RBFOX1: variants seen among roughly 807,000 people sequenced by gnomAD.
RBFOX1 encodes RNA binding protein fox-1 homolog 1.
Under a neutral mutation model 57.7 loss-of-function variants are expected in RBFOX1, and 8 were observed. The ratio of observed to expected loss-of-function variants is 0.14; its 90% CI spans 0.08 to 0.25. The LOEUF (loss-of-function observed/expected upper bound fraction) is 0.25, where lower values mean the gene tolerates loss of function less well. RBFOX1 is among the 10% of genes least tolerant of loss of function. RBFOX1 has a pLI of 1.00. For missense variants in RBFOX1, 611 were observed against 548.5 expected (o/e 1.11, Z -1.14); for synonymous variants, 326 against 222.4 (o/e 1.47, Z -4.15).
chr16:6,751,171 G>A (rs770918255), intron 3 of RBFOX1, among the ~76,000 whole-genome samples: 20 of 152,072 alleles, frequency 1.3e-4, no homozygotes, highest in Non-Finnish European at 1.5e-4. Flanking sequence ...CATTTTATTC[G>A]AAATACAATG....
chr16:5,935,013 G>T, intron 4 of RBFOX1, among the ~76,000 whole-genome samples: 1 of 152,094 alleles, frequency 6.6e-6, no homozygotes, highest in East Asian at 1.9e-4. Context: ...AATATCGAAG[G>T]GTCAATCTTT....
chr16:5,849,614 A>G (rs944462888), intron 3 of RBFOX1, among the ~76,000 whole-genome samples: 2 of 152,102 alleles, frequency 1.3e-5, no homozygotes, highest in African/African-American at 2.4e-5. Context: ...CAGTGCTCAG[A>G]GTCAGGAAAT....
chr16:5,484,375 G>C (rs1013719870), intron 2 of RBFOX1, among the ~76,000 whole-genome samples: 2 of 152,212 alleles, frequency 1.3e-5, no homozygotes, highest in Non-Finnish European at 2.9e-5. Flanking sequence ...GCTTCTCTTA[G>C]TGAGAGCAAA....
At chr16:6,199,247 C>A (rs947016688) in intron 1 of RBFOX1, among the ~76,000 whole-genome samples, 3 of 152,238 alleles carry the variant, frequency 2.0e-5, no homozygotes, top group African/African-American at 7.2e-5. Context: ...AGTCAGAGAA[C>A]CAGCCATGTG....
chr16:5,648,746 C>A (rs1007413650), intron 3 of RBFOX1, among the ~76,000 whole-genome samples: 1 of 152,148 alleles, frequency 6.6e-6, no homozygotes, highest in African/African-American at 2.4e-5. Context: ...TGTCTACCTC[C>A]TCTTTTTATT....
At chr16:6,639,288 A>G (rs2098468002) in intron 2 of RBFOX1, among the ~76,000 whole-genome samples, 1 of 152,162 alleles carries the variant, frequency 6.6e-6, no homozygotes, top group Admixed American at 6.6e-5. Context: ...TCCTAAGAGG[A>G]AGTGAAATAT....
At chr16:5,711,166 A>G (rs1298985123) in intron 3 of RBFOX1, among the ~76,000 whole-genome samples, 1 of 152,192 alleles carries the variant, frequency 6.6e-6, no homozygotes, top group East Asian at 1.9e-4. Context: ...GATGTAGTAA[A>G]CACTTATATA....
intron 4 of RBFOX1, among the ~76,000 whole-genome samples, chr16:7,292,383 T>C (rs1320320560): frequency 1.4e-5 from 2 of 141,216 alleles, no homozygotes; most frequent in Non-Finnish European, 3.0e-5. Flanking sequence ...ATATATGATA[T>C]ACATGATATA....
In RBFOX1 at chr16:7,179,236, T is replaced by C. The variant is rs376283477; in HGVS notation, c.27+127138T>C. On this transcript the variant is annotated intron_variant, in intron 4 of 15. Coordinates refer to ENST00000550418, the MANE Select transcript of RBFOX1 (RefSeq NM_018723.4). ...GCTTAACCGGGATTTTTTTTTTTTT[T>C]CCAAAAAGAAAATACTTAAGTTATC... Among the ~76,000 whole-genome samples, 34 of 149,122 alleles carry C rather than the reference T, an allele frequency of 2.3e-4. No homozygotes were observed. In the East Asian group the frequency reaches 4.3e-3, roughly 19 times the overall value.
chr16:6,250,996 G>A (rs887493158), intron 1 of RBFOX1, among the ~76,000 whole-genome samples: 3 of 152,006 alleles, frequency 2.0e-5, no homozygotes, highest in Non-Finnish European at 4.4e-5. Flanking sequence ...AGATGGGGTG[G>A]GGAGTGTGAG....
Position 6,491,965 on chromosome 16 carries a change from C to T in RBFOX1, c.-63-162638C>T, listed in dbSNP as rs886787029. On this transcript the variant is annotated intron_variant, in intron 2 of 15. Coordinates refer to ENST00000550418, the MANE Select transcript of RBFOX1 (RefSeq NM_018723.4). ...CTTCTTATCATCTTGGCAAATTATG[C>T]AAGTGGCTGGATATTTTGGGTAGAT... Among the ~76,000 whole-genome samples, 5 of 152,066 alleles carry T rather than the reference C, an allele frequency of 3.3e-5. No individual in the cohort carries two copies. The East Asian group carries it at 7.7e-4, about 23-fold the overall frequency.
At chr16:7,425,209 C>A (rs975415468) in intron 4 of RBFOX1, among the ~76,000 whole-genome samples, 11 of 152,044 alleles carry the variant, frequency 7.2e-5, no homozygotes, top group Non-Finnish European at 1.5e-4. Context: ...GCTAGAAGTC[C>A]ATTGTTGTTT....
intron 3 of RBFOX1, among the ~76,000 whole-genome samples, chr16:5,653,558 C>T (rs992995854): frequency 1.2e-4 from 19 of 152,172 alleles, no homozygotes; most frequent in African/African-American, 4.3e-4. Context: ...GGTGCTGAGC[C>T]GTATGCGGGC....
chr16:7,653,226 G>A (rs1016052139), intron 11 of RBFOX1, among the ~76,000 whole-genome samples: 1 of 152,274 alleles, frequency 6.6e-6, no homozygotes, highest in Non-Finnish European at 1.5e-5. Flanking sequence ...TGGGTTGGGC[G>A]TGGTTGGTCC....
chr16:6,834,611 G>T (rs968834036), intron 3 of RBFOX1, among the ~76,000 whole-genome samples: 4 of 152,084 alleles, frequency 2.6e-5, no homozygotes, highest in Non-Finnish European at 5.9e-5. Flanking sequence ...GTGTTTGTTT[G>T]GGATGACTAA....
chr16:6,340,032 G>A (rs1445026476), intron 2 of RBFOX1, among the ~76,000 whole-genome samples: 3 of 152,096 alleles, frequency 2.0e-5, no homozygotes, highest in East Asian at 1.9e-4. Flanking sequence ...GAAATCCTAT[G>A]TACAGGAACA....
chr16:7,641,993 T>C (rs11077210), intron 11 of RBFOX1, among the ~76,000 whole-genome samples: 43,344 of 152,162 alleles, frequency 0.28, 7,654 homozygotes, highest in East Asian at 0.66. Context: ...TGTACTTTTA[T>C]AGTCCTAGCT....
intron 3 of RBFOX1, among the ~76,000 whole-genome samples, chr16:6,688,184 A>G (rs994342900): frequency 6.6e-6 from 1 of 150,504 alleles, no homozygotes; most frequent in Non-Finnish European, 1.5e-5. Flanking sequence ...TCATGGTGGA[A>G]AAAAAAAAAG....
At chr16:6,792,580 T>C (rs2083180120) in intron 3 of RBFOX1, among the ~76,000 whole-genome samples, 1 of 152,240 alleles carries the variant, frequency 6.6e-6, no homozygotes, top group South Asian at 2.1e-4. Context: ...CATGTAGTAC[T>C]GTGCCTCCTA....
Sources: gnomAD v4.1 joint callset for allele counts (sites outside exome capture counted in the v4.1 genomes callset) on GRCh38, gnomAD v4.1.1 for gene constraint, MANE v1.5 for transcripts, NCBI Gene and HGNC (gene_info 2026-07-23, HGNC 2026-07-21) for gene names.